The following SPHKAP variants were observed in gnomAD, a reference collection of about 807,000 sequenced individuals.
SPHKAP encodes SPHK1 interactor, AKAP domain containing, also known as A-kinase anchor protein SPHKAP.
In SPHKAP, 67 loss-of-function variants were observed where a neutral mutation model predicts 137.5. That is an observed-to-expected ratio of 0.49 (90% CI 0.40 to 0.60). SPHKAP has a LOEUF of 0.60. Among genes scored for constraint, SPHKAP ranks in the 20% least tolerant of loss-of-function variants. The pLI, the probability that SPHKAP is intolerant of heterozygous loss-of-function variation, is 0.00. For missense variants in SPHKAP, 2,097 were observed against 2,069.3 expected (o/e 1.01, Z -0.26); for synonymous variants, 813 against 785.3 (o/e 1.04, Z -0.59).
intron 2 of SPHKAP, among the ~76,000 whole-genome samples, chr2:228,116,911 C>T (rs1449264040): frequency 1.3e-5 from 2 of 152,112 alleles, no homozygotes; most frequent in East Asian, 1.9e-4. Flanking sequence ...TACCATATAG[C>T]CTTTATGATG....
At chr2:228,145,208 A>G (rs950790424) in intron 1 of SPHKAP, among the ~76,000 whole-genome samples, 3 of 152,128 alleles carry the variant, frequency 2.0e-5, no homozygotes, top group African/African-American at 7.2e-5. Context: ...ACACCACAAA[A>G]AGGAATGCTC....
intron 1 of SPHKAP, among the ~76,000 whole-genome samples, chr2:228,180,143 G>C (rs1229516825): frequency 4.6e-5 from 7 of 152,088 alleles, no homozygotes. Flanking sequence ...GTTCCGCTGG[G>C]GCAGGGATCG....
At chr2:228,150,914 T>C (rs1004177060) in intron 1 of SPHKAP, among the ~76,000 whole-genome samples, 1 of 151,856 alleles carries the variant, frequency 6.6e-6, no homozygotes, top group Non-Finnish European at 1.5e-5. Flanking sequence ...CATGCATAGA[T>C]AGTTTATTTA....
chr2:228,166,997 T>A (rs1281257382), intron 1 of SPHKAP, among the ~76,000 whole-genome samples: 1 of 151,962 alleles, frequency 6.6e-6, no homozygotes, highest in Non-Finnish European at 1.5e-5. Flanking sequence ...CAACCAGATT[T>A]TGGGAGAACT....
At chr2:228,134,116 G>GAGAGAGAGAGAAAGAA (rs1699355240) in intron 1 of SPHKAP, among the ~76,000 whole-genome samples, 2 of 107,938 alleles carry the variant, frequency 1.9e-5, no homozygotes, top group Admixed American at 2.1e-4. Context: ...AAGGAAGGGA[G>GAGAGAGAGAGAAAGAA]AGAGAGAGAG....
At chr2:228,121,065 C>A (rs903285424) in intron 2 of SPHKAP, among the ~76,000 whole-genome samples, 1 of 152,128 alleles carries the variant, frequency 6.6e-6, no homozygotes, top group South Asian at 2.1e-4. Context: ...ATATGAAGTG[C>A]GTGAAAGCCT....
intron 1 of SPHKAP, among the ~76,000 whole-genome samples, chr2:228,148,395 A>G (rs910892663): frequency 1.3e-5 from 2 of 152,176 alleles, no homozygotes; most frequent in African/African-American, 4.8e-5. Context: ...CTAATTCCTT[A>G]CAGTCATCTA....
chr2:228,104,289 A>G (rs1196762644), intron 3 of SPHKAP, among the ~76,000 whole-genome samples: 6 of 144,996 alleles, frequency 4.1e-5, no homozygotes, highest in Non-Finnish European at 7.5e-5. Flanking sequence ...ATATCATTAT[A>G]TCATATATTA....
In SPHKAP at chr2:228,102,869, A is replaced by G. The variant is rs140558799; in HGVS notation, c.246+5963T>C. On this transcript the variant is annotated intron_variant, in intron 3 of 11. Transcript: ENST00000392056. ...GTGATCTCTCACCCCAACCTCCCAA[A>G]TAGCTGGGACTACAGGTGCTTGCCA... Among the ~76,000 whole-genome samples, 98 of 152,174 alleles carry G rather than the reference A, an allele frequency of 6.4e-4. 1 individual carries two copies. The East Asian group carries it at 0.015, about 23-fold the overall frequency.
At position 228,016,429 on chromosome 2, in the gene SPHKAP, G is replaced by A. The variant is rs903728688; in HGVS notation, c.4425C>T (p.Ala1475=). The A allele has an allele frequency of 3.1e-6, 5 of 1,603,714 alleles. No individual in the cohort carries two copies. The South Asian group carries it at 3.3e-5, about 11-fold the overall frequency. ...ACCTATGGATTTGACAAGCGCTCAC[G>A]GCTGTGTCTCCACCTCTCACCACAT... The part of the protein sequence containing the change: ...IPDVVRGGDT[A]VSACQIHSDS... Residue 1475 remains alanine (A), a synonymous_variant, in exon 7 of 12, where the codon GCC becomes GCT. Coordinates refer to ENST00000392056, the MANE Select transcript of SPHKAP (RefSeq NM_001142644.2).
chr2:227,991,150 G>C lies in SPHKAP; in HGVS notation c.4809C>G (p.Ser1603Arg), dbSNP rs16824283. 405,338 of 1,613,886 alleles carry C rather than the reference G, an allele frequency of 0.25. 53,582 individuals are homozygous for C. Among genetic ancestry groups the C allele is most frequent in the Non-Finnish European group, 0.27 (323,563 of 1,179,924 alleles). Residue 1603 changes from serine (S) to arginine (R), a missense_variant, in exon 11 of 12, where the codon AGC becomes AGG. Ser to Arg is a moderately radical substitution (Grantham distance 110, BLOSUM62 -1). Transcript: ENST00000392056. ...TGATCACCAGCAGGCTCCTCTGGGG[G>C]CTGGCTGTTCCCGTAGGCGGTCCAG... The part of the protein sequence containing the change: ...PASGPPTGTA[S>R]PQRSLLVINF...
chr2:228,056,351 T>C (rs1051455310), intron 3 of SPHKAP, among the ~76,000 whole-genome samples: 2 of 152,112 alleles, frequency 1.3e-5, no homozygotes, highest in African/African-American at 4.8e-5. Context: ...CATGTAGAGA[T>C]ATTGAAGTGG....
intron 11 of SPHKAP, among the ~76,000 whole-genome samples, chr2:227,983,871 G>A (rs369127561): frequency 6.6e-6 from 1 of 152,208 alleles, no homozygotes; most frequent in African/African-American, 2.4e-5. Context: ...AATAAAAGCT[G>A]GTCATGGGGC....
intron 7 of SPHKAP, among the ~76,000 whole-genome samples, chr2:228,012,024 C>A (rs1694392574): frequency 2.0e-5 from 3 of 151,686 alleles, no homozygotes; most frequent in South Asian, 2.1e-4. Flanking sequence ...AAAAATTGGG[C>A]AGGCATGGTG....
Position 227,981,638 on chromosome 2 carries a change from G to T in SPHKAP, c.*79C>A. 6.7e-7 allele frequency: 1 copy of T among 1,501,164 alleles called. No individual in the cohort carries two copies. The highest frequency in any genetic ancestry group is 8.9e-7 in the Non-Finnish European group (1 of 1,118,890). The allele number at this position is 1,501,164 out of a possible 1,614,324, so 93.0% of individuals were successfully genotyped here. On this transcript the variant is annotated 3_prime_UTR_variant, in exon 12 of 12. Coordinates refer to ENST00000392056, the MANE Select transcript of SPHKAP (RefSeq NM_001142644.2). ...TAATGTGATGTGATGTTTTGAGAATGTTTAGAGCATTTAGAACAAACCACT... is the reference window on the plus strand; with the variant it reads ...TAATGTGATGTGATGTTTTGAGAATTTTTAGAGCATTTAGAACAAACCACT...
chr2:228,120,170 C>G (rs1698861340), intron 2 of SPHKAP, among the ~76,000 whole-genome samples: 1 of 152,070 alleles, frequency 6.6e-6, no homozygotes, highest in Non-Finnish European at 1.5e-5. Context: ...TCTCCTTTTA[C>G]TGTGAAGGGG....
chr2:228,011,250 A>C (rs1371371296), intron 7 of SPHKAP, among the ~76,000 whole-genome samples: 2 of 144,536 alleles, frequency 1.4e-5, no homozygotes, highest in Non-Finnish European at 3.0e-5. Context: ...TTTTTTAATC[A>C]GTTCACTCTT....
rs188239555 is a variant in SPHKAP at position 228,168,025 on chromosome 2, G to A, written c.32+13542C>T. 2.4e-3 allele frequency among the ~76,000 whole-genome samples: 371 copies of A among 152,026 alleles called. 2 individuals carry two copies. Among genetic ancestry groups the A allele is most frequent in the South Asian group, 7.5e-3 (36 of 4,828 alleles). ...ATGTATATGTAATATTACACTTAAC[G>A]AATAATTTAGGAAAATATCTAACAA... On this transcript the variant is annotated intron_variant, in intron 1 of 11. Coordinates refer to ENST00000392056, the MANE Select transcript of SPHKAP (RefSeq NM_001142644.2).
At chr2:228,102,587 C>T (rs1698212062) in intron 3 of SPHKAP, among the ~76,000 whole-genome samples, 1 of 152,110 alleles carries the variant, frequency 6.6e-6, no homozygotes, top group Non-Finnish European at 1.5e-5. Flanking sequence ...TTAATAGTTT[C>T]AGGATCCAAG....
Sources: allele counts gnomAD v4.1 joint callset (sites outside exome capture counted in the v4.1 genomes callset), GRCh38; gene constraint gnomAD v4.1.1; transcripts MANE v1.5; gene names NCBI Gene and HGNC (gene_info 2026-07-23, HGNC 2026-07-21).